The following HOXA3 variants were observed in gnomAD, a reference collection of about 807,000 sequenced individuals.
The protein encoded by HOXA3 is homeobox A3, also known as homeobox protein Hox-A3.
HOXA3 carries 8 observed loss-of-function variants against 30.3 expected under a neutral mutation model. The observed-to-expected ratio is 0.26, with a 90% confidence interval of 0.15 to 0.48. The LOEUF is 0.48. Ranked by LOEUF, HOXA3 falls within the 20% of genes least tolerant of loss-of-function variation. The pLI, the probability that HOXA3 is intolerant of heterozygous loss-of-function variation, is 0.99. For missense variants in HOXA3, 653 were observed against 614.4 expected (o/e 1.06, Z -0.66); for synonymous variants, 323 against 273.1 (o/e 1.18, Z -1.80).
intron 1 of HOXA3, among the ~76,000 whole-genome samples, chr7:27,148,734 C>G (rs951710308): frequency 6.6e-6 from 1 of 152,264 alleles, no homozygotes; most frequent in Admixed American, 6.5e-5. Flanking sequence ...GGGACCTGCT[C>G]CCCTGCCTAG....
chr7:27,148,259 G>A (rs920156724), intron 1 of HOXA3, among the ~76,000 whole-genome samples: 1 of 152,270 alleles, frequency 6.6e-6, no homozygotes, highest in Non-Finnish European at 1.5e-5. Context: ...TTTGCTCCCT[G>A]CCGGCCTGCA....
intron 4 of HOXA3, 30 bp from the exon 5 acceptor site, chr7:27,110,790 G>C: frequency 8.6e-7 from 1 of 1,167,288 alleles, no homozygotes; most frequent in Non-Finnish European, 1.2e-6. Flanking sequence ...AGCGCGGTGA[G>C]GGCTCCGCGC....
chr7:27,118,042 G>T (rs901588317), intron 4 of HOXA3, among the ~76,000 whole-genome samples: 1 of 152,186 alleles, frequency 6.6e-6, no homozygotes, highest in African/African-American at 2.4e-5. Flanking sequence ...AGAAACAAAG[G>T]AAGAGAGAGG....
chr7:27,148,378 C>T (rs1460628306), intron 1 of HOXA3, among the ~76,000 whole-genome samples: 1 of 152,268 alleles, frequency 6.6e-6, no homozygotes, highest in African/African-American at 2.4e-5. Flanking sequence ...ACTCTATGCT[C>T]TTCACTCGTG....
chr7:27,141,889 A>C, intron 1 of HOXA3: 1 of 1,614,194 alleles, frequency 6.2e-7, no homozygotes, highest in South Asian at 1.1e-5. Flanking sequence ...TCAGCTTATT[A>C]TCTTTTTTCC....
intron 2 of HOXA3, chr7:27,129,715 A>G: frequency 3.1e-5 from 28 of 907,760 alleles, no homozygotes. Flanking sequence ...CACGCAAGAT[A>G]CATAAAACGG....
intron 1 of HOXA3, chr7:27,141,796 A>T (rs1170882007): frequency 6.2e-7 from 1 of 1,603,302 alleles, no homozygotes; most frequent in Non-Finnish European, 8.5e-7. Flanking sequence ...ACTACGCGGG[A>T]TCCGCTAATA....
intron 1 of HOXA3, chr7:27,147,572 G>T: frequency 6.2e-7 from 1 of 1,614,260 alleles, no homozygotes; most frequent in Non-Finnish European, 8.5e-7. Context: ...GAGTTGGACT[G>T]TTGGTAGAAA....
At chr7:27,130,775 C>A in intron 2 of HOXA3, 1 of 1,570,894 alleles carries the variant, frequency 6.4e-7, no homozygotes, top group South Asian at 1.2e-5. Context: ...CTCGCGTTGT[C>A]GTTTTTTCTG....
chr7:27,128,101 G>C (rs1203777977), intron 2 of HOXA3: 1 of 152,218 alleles, frequency 6.6e-6, no homozygotes, highest in Non-Finnish European at 1.5e-5. Flanking sequence ...AAATACCAAA[G>C]AGACCACTTC....
intron 4 of HOXA3, among the ~76,000 whole-genome samples, chr7:27,117,210 G>A (rs993562967): frequency 1.3e-5 from 2 of 152,206 alleles, no homozygotes; most frequent in African/African-American, 4.8e-5. Flanking sequence ...TGGAGGCTCT[G>A]AAGCTGGAGA....
At chr7:27,119,910 C>T (rs997416861) in intron 4 of HOXA3, among the ~76,000 whole-genome samples, 2 of 152,164 alleles carry the variant, frequency 1.3e-5, no homozygotes, top group African/African-American at 4.8e-5. Flanking sequence ...TCCATGTGAA[C>T]TTTTCCAGCT....
chr7:27,136,922 G>T (rs994942304), intron 2 of HOXA3, among the ~76,000 whole-genome samples: 3 of 152,060 alleles, frequency 2.0e-5, no homozygotes, highest in South Asian at 2.1e-4. Context: ...AGCCCTGCCT[G>T]GGAGCCCCGT....
chr7:27,129,149 G>T, intron 2 of HOXA3: 1 of 901,168 alleles, frequency 1.1e-6, no homozygotes, highest in Non-Finnish European at 1.9e-6. Flanking sequence ...ATGGGGAGGG[G>T]TGGATGAGGA....
intron 4 of HOXA3, among the ~76,000 whole-genome samples, chr7:27,117,052 T>A (rs1784761489): frequency 6.6e-6 from 1 of 152,190 alleles, no homozygotes; most frequent in Non-Finnish European, 1.5e-5. Flanking sequence ...GCAAGGAGCA[T>A]AATAGAGTTT....
At chr7:27,141,773 C>T (rs1782575900) in intron 1 of HOXA3, 2 of 1,575,278 alleles carry the variant, frequency 1.3e-6, no homozygotes, top group East Asian at 4.5e-5. Flanking sequence ...CAGAAAGTCA[C>T]CTTAGTACTG....
chr7:27,115,702 G>C (rs1784685120), intron 4 of HOXA3: 2 of 152,304 alleles, frequency 1.3e-5, no homozygotes, highest in Admixed American at 1.3e-4. Context: ...GCGGGGACCA[G>C]ACCTGAGGAG....
chr7:27,127,741 G>C (rs59253509), intron 2 of HOXA3, among the ~76,000 whole-genome samples: 1 of 152,134 alleles, frequency 6.6e-6, no homozygotes, highest in Non-Finnish European at 1.5e-5. Flanking sequence ...TAGATCTCTG[G>C]AATCGAGCAG....
At chr7:27,130,926 C>A in intron 2 of HOXA3, 1 of 626,932 alleles carries the variant, frequency 1.6e-6, no homozygotes, top group Non-Finnish European at 2.9e-6. Flanking sequence ...TCCTCCCCAG[C>A]CCAGCGCGCG....
Sources: gnomAD v4.1 joint callset for allele counts (sites outside exome capture counted in the v4.1 genomes callset) on GRCh38, gnomAD v4.1.1 for gene constraint, MANE v1.5 for transcripts, NCBI Gene and HGNC (gene_info 2026-07-23, HGNC 2026-07-21) for gene names.